FUT8: variants seen among roughly 807,000 people sequenced by gnomAD.
FUT8 encodes the protein fucosyltransferase 8.
A neutral mutation model predicts 71.3 loss-of-function variants in FUT8; 29 were observed. The ratio of observed to expected loss-of-function variants is 0.41; its 90% CI spans 0.30 to 0.55. The LOEUF is 0.55. FUT8 is among the 20% of genes least tolerant of loss of function. FUT8 has a pLI of 0.34. For missense variants in FUT8, 544 were observed against 702.1 expected (o/e 0.77, Z 2.55); for synonymous variants, 254 against 239.3 (o/e 1.06, Z -0.57).
At chr14:65,538,040 A>G (rs1234797725) in intron 2 of FUT8, among the ~76,000 whole-genome samples, 1 of 152,164 alleles carries the variant, frequency 6.6e-6, no homozygotes, top group African/African-American at 2.4e-5. Flanking sequence ...CCCTGCAGGC[A>G]TTCGGAGCAG....
intron 7 of FUT8, among the ~76,000 whole-genome samples, chr14:65,710,437 A>G (rs900083686): frequency 2.0e-5 from 3 of 152,182 alleles, no homozygotes; most frequent in African/African-American, 7.2e-5. Context: ...CATAGCATGT[A>G]CTATGTTATT....
intron 10 of FUT8, among the ~76,000 whole-genome samples, chr14:65,733,958 T>C (rs1426272286): frequency 6.6e-6 from 1 of 152,176 alleles, no homozygotes; most frequent in Admixed American, 6.5e-5. Flanking sequence ...ATGGGTTTGG[T>C]GTATGTGTTT....
At chr14:65,429,352 A>G (rs1008277779) in intron 1 of FUT8, among the ~76,000 whole-genome samples, 1 of 152,224 alleles carries the variant, frequency 6.6e-6, no homozygotes, top group African/African-American at 2.4e-5. Context: ...CAGAGCAGAC[A>G]CTGGAGGAGG....
intron 5 of FUT8, chr14:65,617,250 G>A: frequency 6.9e-7 from 1 of 1,448,390 alleles, no homozygotes; most frequent in Non-Finnish European, 9.1e-7. Flanking sequence ...TTGAAAAATT[G>A]CTTGGTTGTT....
At chr14:65,650,723 AAAAAAAC>A (rs1481416178) in intron 6 of FUT8, among the ~76,000 whole-genome samples, 6 of 149,974 alleles carry the variant, frequency 4.0e-5, no homozygotes, top group South Asian at 2.1e-4. Flanking sequence ...AAAAAAAAAA[AAAAAAAC>A]AAAAAAAACC....
At position 65,665,878 on chromosome 14, in the gene FUT8, A is replaced by G. The variant is rs1017678860; in HGVS notation, c.598-3365A>G. Among the ~76,000 whole-genome samples, 7 of 152,176 alleles carry G rather than the reference A, an allele frequency of 4.6e-5. No homozygotes were observed. In the South Asian group the frequency reaches 8.3e-4, roughly 18 times the overall value. ...GTTCTCACTTATAAGTGGGAGCTAA[A>G]TGAAGAGAACACATGGACACAGATG... is the stretch of plus-strand genomic sequence containing the variant. On this transcript the variant is annotated intron_variant, in intron 6 of 10. Coordinates refer to ENST00000673929, the MANE Select transcript of FUT8 (RefSeq NM_001371533.1).
chr14:65,554,438 T>TAG (rs1169995434), intron 2 of FUT8, among the ~76,000 whole-genome samples: 2 of 146,650 alleles, frequency 1.4e-5, no homozygotes, highest in East Asian at 3.9e-4. Context: ...ATATATTATA[T>TAG]ATATATATTT....
chr14:65,457,252 A>G (rs1296037355), intron 2 of FUT8, among the ~76,000 whole-genome samples: 1 of 152,204 alleles, frequency 6.6e-6, no homozygotes, highest in Non-Finnish European at 1.5e-5. Flanking sequence ...TGATTTAACT[A>G]TTGCCTTTTA....
the FUT8 span, among the ~76,000 whole-genome samples, chr14:65,389,415 A>G: frequency 0.98 from 148,067 of 150,598 alleles, 72,854 homozygotes; most frequent in Middle Eastern, 1. Context: ...CAGTTGCCCA[A>G]GCTGGAGTGC....
At chr14:65,387,712 G>A in the FUT8 span, among the ~76,000 whole-genome samples, 1 of 152,212 alleles carries the variant, frequency 6.6e-6, no homozygotes, top group African/African-American at 2.4e-5. Flanking sequence ...TCCAGGCAGT[G>A]AGCTGGGGCA....
chr14:65,585,922 A>C (rs965167784), intron 3 of FUT8, among the ~76,000 whole-genome samples: 1 of 152,206 alleles, frequency 6.6e-6, no homozygotes, highest in Non-Finnish European at 1.5e-5. Context: ...CTAAAAATTA[A>C]ATATTGAGAC....
chr14:65,562,991 T>C (rs1885995109), intron 3 of FUT8, among the ~76,000 whole-genome samples: 1 of 152,082 alleles, frequency 6.6e-6, no homozygotes, highest in Admixed American at 6.6e-5. Flanking sequence ...TTCATAACTT[T>C]TTCTTCATAA....
chr14:65,540,688 A>G lies in FUT8; in HGVS notation c.-227-20649A>G, dbSNP rs145251170. ...ATGTTCAGAATTGTATCCCTATACC[A>G]AGAGGAAGAAGTGTAAATAATGAAA... On this transcript the variant is annotated intron_variant, in intron 2 of 10. Coordinates refer to ENST00000673929, the MANE Select transcript of FUT8 (RefSeq NM_001371533.1). Among the ~76,000 whole-genome samples the G allele has an allele frequency of 4.5e-3, 681 of 152,352 alleles. 4 individuals carry two copies. Among genetic ancestry groups the G allele is most frequent in the African/African-American group, 0.014 (575 of 41,584 alleles).
intron 3 of FUT8, among the ~76,000 whole-genome samples, chr14:65,570,401 G>A (rs1448333956): frequency 7.5e-6 from 1 of 133,186 alleles, no homozygotes; most frequent in Non-Finnish European, 1.8e-5. Context: ...GATTATATTT[G>A]CAAGTTTTTT....
chr14:65,610,791 T>C (rs953000405), intron 3 of FUT8, among the ~76,000 whole-genome samples: 3 of 151,924 alleles, frequency 2.0e-5, no homozygotes, highest in Non-Finnish European at 4.4e-5. Context: ...TTAAAAAAAA[T>C]TTTGTCTATA....
intron 7 of FUT8, among the ~76,000 whole-genome samples, chr14:65,684,713 C>T (rs1893194592): frequency 6.6e-6 from 1 of 152,152 alleles, no homozygotes. Context: ...AGTTCTCACA[C>T]ACTTCGTAAG....
chr14:65,677,145 T>C (rs1210116536), intron 7 of FUT8, among the ~76,000 whole-genome samples: 17 of 109,224 alleles, frequency 1.6e-4, no homozygotes, highest in Non-Finnish European at 2.4e-4. Context: ...TGTGTGTGTG[T>C]GTGTGTGCGC....
intron 9 of FUT8, among the ~76,000 whole-genome samples, chr14:65,731,021 A>C (rs978119126): frequency 3.9e-5 from 6 of 152,240 alleles, no homozygotes; most frequent in African/African-American, 1.4e-4. Context: ...ATTTGTTAAA[A>C]GTTTTTTGTA....
chr14:65,542,764 G>A (rs1445733442), intron 2 of FUT8, among the ~76,000 whole-genome samples: 1 of 152,016 alleles, frequency 6.6e-6, no homozygotes, highest in East Asian at 1.9e-4. Context: ...TTCATTATTT[G>A]TGTTGTATAT....
Sources: gnomAD v4.1 joint callset for allele counts (sites outside exome capture counted in the v4.1 genomes callset) on GRCh38, gnomAD v4.1.1 for gene constraint, MANE v1.5 for transcripts, NCBI Gene and HGNC (gene_info 2026-07-23, HGNC 2026-07-21) for gene names.